Variants in AADACL2 observed in about 807,000 individuals in gnomAD.
AADACL2 encodes the protein arylacetamide deacetylase-like 2.
Under a neutral mutation model 22.3 loss-of-function variants are expected in AADACL2, and 23 were observed. The ratio of observed to expected loss-of-function variants is 1.03; its 90% CI spans 0.74 to 1.46. The LOEUF is 1.46. Ranked by LOEUF, AADACL2 falls within the 40% of genes most tolerant of loss-of-function variation. The pLI is 0.00. For synonymous variants in AADACL2, 177 were observed against 166.2 expected, an observed-to-expected ratio of 1.07 and a Z score of -0.50; for missense variants, 472 against 482.9, an observed-to-expected ratio of 0.98 and a Z score of 0.21.
Position 151,757,576 on chromosome 3 carries a change from G to C in AADACL2, c.1188G>C (p.Trp396Cys), listed in dbSNP as rs1236485168. The C allele has an allele frequency of 1.2e-6, 2 of 1,607,762 alleles. No individual in the cohort carries two copies. Among genetic ancestry groups the C allele is most frequent in the Non-Finnish European group, 1.7e-6 (2 of 1,176,306 alleles). ...GLRIRDMYVS[W>C]LDKNL ...GGATAAGAGATATGTATGTAAGTTG[G>C]CTGGATAAGAATTTATAAATATGTG... The change falls in exon 5 of 5, where the codon TGG becomes TGC. Residue 396 changes from tryptophan to cysteine, a missense_variant. Physicochemically the swap from Trp to Cys is radical, Grantham distance 215 (BLOSUM62 -2). Around this residue, in one of 3 missense-constraint regions of AADACL2, gnomAD observed 113 missense variants for 100.9 expected, o/e 1.12. Transcript: ENST00000356517.
intron 4 of AADACL2, among the ~76,000 whole-genome samples, chr3:151,752,603 A>T (rs1713713640): frequency 6.6e-6 from 1 of 152,192 alleles, no homozygotes; most frequent in Non-Finnish European, 1.5e-5. Flanking sequence ...AACTTTAATC[A>T]TATCACTTAA....
At chr3:151,743,911 G>T (rs1234993572) in intron 2 of AADACL2, among the ~76,000 whole-genome samples, 182 bp from the exon 3 acceptor site, 1 of 152,012 alleles carries the variant, frequency 6.6e-6, no homozygotes, top group Non-Finnish European at 1.5e-5. Context: ...AAGAGTGGCT[G>T]AAAAGACTAG....
chr3:151,734,980 A>C (rs1713042920), intron 1 of AADACL2, among the ~76,000 whole-genome samples: 1 of 152,188 alleles, frequency 6.6e-6, no homozygotes, highest in East Asian at 1.9e-4. Flanking sequence ...AAGGCCACAG[A>C]AGATGATCAG....
chr3:151,746,251 T>G (rs995109986), intron 4 of AADACL2, among the ~76,000 whole-genome samples: 2 of 152,024 alleles, frequency 1.3e-5, no homozygotes, highest in Non-Finnish European at 2.9e-5. Flanking sequence ...TTGGAATTTG[T>G]AATTTGTAAT....
intron 2 of AADACL2, among the ~76,000 whole-genome samples, chr3:151,742,331 A>G (rs928225004): frequency 1.3e-5 from 2 of 152,176 alleles, no homozygotes; most frequent in Non-Finnish European, 2.9e-5. Flanking sequence ...TACAGACACT[A>G]TAACAATAAA....
rs1293615549 is a variant in AADACL2, at chr3:151,759,713, C to T, written c.*2119C>T. The T allele has an allele frequency of 1.3e-5, 2 of 152,082 alleles. No homozygotes were observed. Among genetic ancestry groups the T allele is most frequent in the Admixed American group, 6.6e-5 (1 of 15,242 alleles). 9.4% of individuals were successfully genotyped at this position (152,082 alleles called of 1,614,324 possible). On this transcript the variant is annotated 3_prime_UTR_variant, in exon 5 of 5. Coordinates refer to ENST00000356517, the MANE Select transcript of AADACL2 (RefSeq NM_207365.4). ...GGTCCCAGAATATTTCTGGAAGGAA[C>T]CACAGGTAGACTAGCTTCCATTGCA...
intron 4 of AADACL2, among the ~76,000 whole-genome samples, chr3:151,752,989 A>G (rs1713726996): frequency 6.6e-6 from 1 of 152,170 alleles, no homozygotes. Context: ...ACTTCTTTAA[A>G]AATATAAAAA....
chr3:151,739,249 G>C (rs549348695), intron 1 of AADACL2, among the ~76,000 whole-genome samples: 1 of 152,154 alleles, frequency 6.6e-6, no homozygotes, highest in African/African-American at 2.4e-5. Context: ...TAACAGTTAG[G>C]CTCCTCTTCT....
chr3:151,733,938 G>A lies in AADACL2; in HGVS notation c.-98G>A. On this transcript the variant is annotated 5_prime_UTR_variant, in exon 1 of 5. Coordinates refer to ENST00000356517, the MANE Select transcript of AADACL2 (RefSeq NM_207365.4). ...TTGTTAAGATGATCATATCACCTGA[G>A]AGAGTTCCCAAGTCTACAATTGCTC... 2.3e-6 allele frequency: 3 copies of A among 1,277,678 alleles called. No individual in the cohort carries two copies. The allele number at this position is 1,277,678 out of a possible 1,614,324, so 79.1% of individuals were successfully genotyped here. A position where few individuals can be genotyped will look rare whatever the true frequency, so the allele number is the denominator to read the frequency against.
intron 1 of AADACL2, among the ~76,000 whole-genome samples, chr3:151,739,360 C>T (rs1713199615): frequency 6.6e-6 from 1 of 152,232 alleles, no homozygotes; most frequent in Non-Finnish European, 1.5e-5. Context: ...CTTGCTCCTT[C>T]CTCTGGAAGC....
intron 1 of AADACL2, among the ~76,000 whole-genome samples, chr3:151,737,380 A>G (rs1713125492): frequency 6.6e-6 from 1 of 151,288 alleles, no homozygotes; most frequent in Non-Finnish European, 1.5e-5. Context: ...TTTTTCTTCC[A>G]ATTATGTGGT....
intron 4 of AADACL2, among the ~76,000 whole-genome samples, chr3:151,754,686 A>T (rs1713820573): frequency 6.6e-6 from 1 of 152,160 alleles, no homozygotes; most frequent in Non-Finnish European, 1.5e-5. Flanking sequence ...TATTGGAAAT[A>T]TAATAAAAAG....
intron 1 of AADACL2, among the ~76,000 whole-genome samples, chr3:151,735,255 C>A (rs1713050652): frequency 6.6e-6 from 1 of 152,132 alleles, no homozygotes; most frequent in Non-Finnish European, 1.5e-5. Flanking sequence ...TAATTTGTAT[C>A]TCAGGGCATT....
chr3:151,737,289 C>G (rs993288993), intron 1 of AADACL2, among the ~76,000 whole-genome samples: 2 of 151,780 alleles, frequency 1.3e-5, no homozygotes, highest in Admixed American at 6.6e-5. Flanking sequence ...TTTCTTAATC[C>G]TGAGTTCTAA....
At chr3:151,754,585 T>C (rs1713816268) in intron 4 of AADACL2, among the ~76,000 whole-genome samples, 1 of 152,116 alleles carries the variant, frequency 6.6e-6, no homozygotes, top group Admixed American at 6.6e-5. Flanking sequence ...AAAATAAAGT[T>C]CATTGTTGAA....
intron 4 of AADACL2, among the ~76,000 whole-genome samples, chr3:151,753,403 C>A (rs1024451221): frequency 1.3e-5 from 2 of 152,128 alleles, no homozygotes; most frequent in Admixed American, 1.3e-4. Flanking sequence ...GGTTGATTAT[C>A]TTGGACTCTA....
At chr3:151,742,325 G>T (rs1713308909) in intron 2 of AADACL2, among the ~76,000 whole-genome samples, 1 of 151,758 alleles carries the variant, frequency 6.6e-6, no homozygotes, top group Admixed American at 6.6e-5. Context: ...GCATTCTACA[G>T]ACACTATAAC....
At chr3:151,752,136 C>T (rs181997989) in intron 4 of AADACL2, among the ~76,000 whole-genome samples, 11 of 149,074 alleles carry the variant, frequency 7.4e-5, no homozygotes, top group African/African-American at 2.5e-4. Flanking sequence ...ATTACCTGTA[C>T]TGTGTTTATT....
intron 4 of AADACL2, chr3:151,755,015 G>A (rs1713838968): frequency 6.6e-6 from 1 of 152,056 alleles, no homozygotes; most frequent in African/African-American, 2.4e-5. Flanking sequence ...ATAGGTCTAG[G>A]AGGAAAGAAC....
Sources: allele counts gnomAD v4.1 joint callset (sites outside exome capture counted in the v4.1 genomes callset), GRCh38; gene constraint gnomAD v4.1.1; regional missense constraint gnomAD v4.1.1; transcripts MANE v1.5; gene names NCBI Gene and HGNC (gene_info 2026-07-23, HGNC 2026-07-21).